The following NCK2 variants were observed in gnomAD, a reference collection of about 807,000 sequenced individuals.
NCK2 encodes the protein cytoplasmic protein NCK2.
In NCK2, 16 loss-of-function variants were observed where a neutral mutation model predicts 33.9. That is an observed-to-expected ratio of 0.47 (90% confidence interval 0.32 to 0.72). NCK2 has a LOEUF of 0.72. Among genes scored for constraint, NCK2 ranks in the 30% least tolerant of loss-of-function variants. NCK2 has a pLI of 0.03. For missense variants in NCK2, 418 were observed against 537.3 expected, an observed-to-expected ratio of 0.78 and a Z score of 2.19; for synonymous variants, 273 against 239.9, an observed-to-expected ratio of 1.14 and a Z score of -1.27.
intron 1 of NCK2, among the ~76,000 whole-genome samples, chr2:105,789,504 A>T (rs1201953268): frequency 6.6e-6 from 1 of 152,120 alleles, no homozygotes; most frequent in Admixed American, 6.5e-5. Flanking sequence ...ACCTTTTTTC[A>T]ATGAGAAAAA....
intron 2 of NCK2, among the ~76,000 whole-genome samples, chr2:105,828,892 C>T (rs1482063756): frequency 6.6e-6 from 1 of 152,202 alleles, no homozygotes; most frequent in East Asian, 1.9e-4. Context: ...AGTATGAGCT[C>T]ACACACTCCA....
chr2:105,779,907 C>T (rs762725085), intron 1 of NCK2, among the ~76,000 whole-genome samples: 23 of 152,142 alleles, frequency 1.5e-4, no homozygotes, highest in Non-Finnish European at 2.9e-4. Context: ...TACGAGACCG[C>T]CTTCACCCTC....
Position 105,893,900 on chromosome 2 carries a change from T to G in NCK2, c.*724T>G, listed in dbSNP as rs1035916529. 1 of 152,602 alleles carries G rather than the reference T, an allele frequency of 6.6e-6. No individual in the cohort carries two copies. Among genetic ancestry groups the G allele is most frequent in the Admixed American group, 6.5e-5 (1 of 15,272 alleles). 9.5% of individuals were successfully genotyped at this position (152,602 alleles called of 1,614,324 possible). On this transcript the variant is annotated 3_prime_UTR_variant, in exon 5 of 5. Transcript: ENST00000233154. ...TATGTATTTAATTCTCAAAGAAATATGTATCTGTAGCCGTTTGTTGACACT... is the reference window on the plus strand; with the variant it reads ...TATGTATTTAATTCTCAAAGAAATAGGTATCTGTAGCCGTTTGTTGACACT...
intron 3 of NCK2, among the ~76,000 whole-genome samples, chr2:105,868,771 G>A (rs1677861289): frequency 6.6e-6 from 1 of 152,166 alleles, no homozygotes; most frequent in South Asian, 2.1e-4. Context: ...GAAGTTAATC[G>A]ATAGTTTGCA....
At chr2:105,816,830 A>G (rs1205564186) in intron 2 of NCK2, among the ~76,000 whole-genome samples, 1 of 152,184 alleles carries the variant, frequency 6.6e-6, no homozygotes, top group East Asian at 1.9e-4. Flanking sequence ...AGGATGGTAG[A>G]CACCTACAAC....
chr2:105,786,709 C>T (rs1238827009), intron 1 of NCK2, among the ~76,000 whole-genome samples: 1 of 152,220 alleles, frequency 6.6e-6, no homozygotes, highest in Non-Finnish European at 1.5e-5. Context: ...TTCCTGTCTC[C>T]ATCGCTGTCT....
intron 2 of NCK2, among the ~76,000 whole-genome samples, chr2:105,827,477 A>G (rs1675998542): frequency 6.6e-6 from 1 of 152,234 alleles, no homozygotes; most frequent in South Asian, 2.1e-4. Context: ...CAGCAGGGCT[A>G]TAGGAACACT....
chr2:105,888,734 GCT>G (rs1479827551), intron 4 of NCK2, among the ~76,000 whole-genome samples: 1 of 152,156 alleles, frequency 6.6e-6, no homozygotes, highest in Non-Finnish European at 1.5e-5. Flanking sequence ...CTGCCTCTTT[GCT>G]CTCTCTTGGG....
chr2:105,794,431 TTG>T lies in NCK2; in HGVS notation c.-200-21993_-200-21992del, dbSNP rs1251525346. On this transcript the variant is annotated intron_variant, in intron 1 of 4. Transcript: ENST00000233154. The stretch of plus-strand genomic sequence containing the variant: ...TTTACGTAATGACTTATTTGCTTGC[TTG>T]TGTGTTTTATTTATATACAATATAT... 2.2e-4 allele frequency among the ~76,000 whole-genome samples: 34 copies of T among 152,262 alleles called. No homozygotes were observed. In the East Asian group the frequency reaches 6.4e-3, roughly 28 times the overall value.
chr2:105,863,056 A>G (rs911240776), intron 3 of NCK2, among the ~76,000 whole-genome samples: 7 of 152,234 alleles, frequency 4.6e-5, no homozygotes, highest in Admixed American at 4.6e-4. Context: ...GAATGGTTCT[A>G]ACAGTACATG....
intron 2 of NCK2, among the ~76,000 whole-genome samples, chr2:105,818,429 A>ATTAAGTATATTAAAAGTATATT (rs1675588204): frequency 1.3e-5 from 2 of 151,878 alleles, no homozygotes; most frequent in Non-Finnish European, 2.9e-5. Context: ...AAAGTGTAAT[A>ATTAAGTATATTAAAAGTATATT]AAAATATATA....
intron 2 of NCK2, among the ~76,000 whole-genome samples, chr2:105,842,341 C>G (rs1676679560): frequency 6.6e-6 from 1 of 152,120 alleles, no homozygotes; most frequent in African/African-American, 2.4e-5. Context: ...CTGCCTCAGC[C>G]TCTCAAAGTG....
chr2:105,845,181 G>T (rs1676809044), intron 2 of NCK2, among the ~76,000 whole-genome samples: 1 of 152,158 alleles, frequency 6.6e-6, no homozygotes, highest in African/African-American at 2.4e-5. Flanking sequence ...GAACTAAAAT[G>T]ATTTTAGTAG....
At chr2:105,852,569 C>T (rs1187280244) in intron 2 of NCK2, among the ~76,000 whole-genome samples, 1 of 152,138 alleles carries the variant, frequency 6.6e-6, no homozygotes, top group Admixed American at 6.5e-5. Context: ...ACCCTTCATG[C>T]AGTAGGAAAT....
chr2:105,856,123 C>T (rs915555294), intron 3 of NCK2, among the ~76,000 whole-genome samples: 4 of 152,166 alleles, frequency 2.6e-5, no homozygotes, highest in Admixed American at 6.5e-5. Context: ...CGTGAGCCAC[C>T]GTGCCCGGCT....
chr2:105,854,603 T>C (rs1416035278), intron 2 of NCK2: 1 of 153,038 alleles, frequency 6.5e-6, no homozygotes, highest in East Asian at 1.9e-4. Context: ...GATACCACCT[T>C]GTTATTAGTA....
chr2:105,793,221 T>C (rs192490703), intron 1 of NCK2, among the ~76,000 whole-genome samples: 1 of 152,348 alleles, frequency 6.6e-6, no homozygotes, highest in East Asian at 1.9e-4. Flanking sequence ...TCATGTATTT[T>C]CTGGGAATGG....
At chr2:105,777,090 A>G (rs1055467360) in intron 1 of NCK2, among the ~76,000 whole-genome samples, 1 of 151,938 alleles carries the variant, frequency 6.6e-6, no homozygotes, top group Non-Finnish European at 1.5e-5. Flanking sequence ...AGAGCCTGAG[A>G]GCAGGTGCTC....
intron 1 of NCK2, among the ~76,000 whole-genome samples, chr2:105,792,048 C>T (rs1405986921): frequency 6.6e-6 from 1 of 152,150 alleles, no homozygotes; most frequent in African/African-American, 2.4e-5. Context: ...TGCACAGAGC[C>T]GTGGGAACGC....
Sources: allele counts gnomAD v4.1 joint callset (sites outside exome capture counted in the v4.1 genomes callset), GRCh38; gene constraint gnomAD v4.1.1; transcripts MANE v1.5; gene names NCBI Gene and HGNC (gene_info 2026-07-23, HGNC 2026-07-21).